SLC26A8: variants seen among roughly 807,000 people sequenced by gnomAD.
The protein encoded by SLC26A8 is testis anion transporter 1.
SLC26A8 carries 70 observed loss-of-function variants against 105.0 expected under a neutral mutation model. The observed-to-expected ratio is 0.67, with a 90% CI of 0.55 to 0.81. The LOEUF (loss-of-function observed/expected upper bound fraction) is 0.81, where lower values mean the gene tolerates loss of function less well. SLC26A8 is among the 40% of genes least tolerant of loss of function. The pLI is 0.00. For synonymous variants in SLC26A8, 415 were observed against 438.3 expected, an observed-to-expected ratio of 0.95 and a Z score of 0.66; for missense variants, 998 against 1,181.8, an observed-to-expected ratio of 0.84 and a Z score of 2.28.
intron 2 of SLC26A8, among the ~76,000 whole-genome samples, chr6:36,013,274 G>A (rs1056094201): frequency 2.7e-5 from 4 of 150,840 alleles, no homozygotes; most frequent in African/African-American, 9.8e-5. Context: ...TTGGCTCACT[G>A]CAGCCTCTGC....
chr6:35,956,150 C>T (rs975240081), intron 16 of SLC26A8, among the ~76,000 whole-genome samples: 14 of 152,054 alleles, frequency 9.2e-5, no homozygotes, highest in African/African-American at 3.4e-4. Flanking sequence ...GTAGCCCCAC[C>T]TACTGGGGAG....
chr6:36,003,506 T>C (rs1017483503), intron 3 of SLC26A8, among the ~76,000 whole-genome samples: 1 of 152,164 alleles, frequency 6.6e-6, no homozygotes, highest in Non-Finnish European at 1.5e-5. Context: ...ATGTAGAAAA[T>C]GCATTAAAAT....
Position 35,952,044 on chromosome 6 carries a change from G to A in SLC26A8, c.2233-545C>T, listed in dbSNP as rs79690898. Among the ~76,000 whole-genome samples the A allele has an allele frequency of 1.3e-3, 192 of 152,292 alleles. 4 individuals are homozygous for A. In the East Asian group the frequency reaches 0.019, roughly 15 times the overall value. On this transcript the variant is annotated intron_variant, in intron 17 of 19. Coordinates refer to ENST00000490799, the MANE Select transcript of SLC26A8 (RefSeq NM_052961.4). Reference sequence around the variant, plus strand: ...AATCAGACCGTGTCATGTGAGGGTGGGGAGCAGGAGGGAGAGCTGCCCATA... The same window carrying A: ...AATCAGACCGTGTCATGTGAGGGTGAGGAGCAGGAGGGAGAGCTGCCCATA...
rs1217859361 is a variant in SLC26A8, at chr6:35,955,333, C to G, written c.2051G>C (p.Trp684Ser). ...GQQYEEVEEV[W>S]LPNNSSRNSS... ...GTTTCTTGATGAGTTATTAGGAAGC[C>G]AAACTTCCTCCACCTCCTCATACTG... The change falls in exon 17 of 20, where the codon TGG becomes TCG. Residue 684 changes from tryptophan (W) to serine (S), a missense_variant. Trp to Ser is a radical substitution (Grantham distance 177). Coordinates refer to ENST00000490799, the MANE Select transcript of SLC26A8 (RefSeq NM_052961.4). 11 of 1,614,070 alleles carry G rather than the reference C, an allele frequency of 6.8e-6. No homozygotes were observed. Among genetic ancestry groups the G allele is most frequent in the Non-Finnish European group, 9.3e-6 (11 of 1,180,036 alleles).
chr6:35,955,551 G>A lies in SLC26A8; in HGVS notation c.1864-31C>T, dbSNP rs781646505. 15 of 1,604,028 alleles carry A rather than the reference G, an allele frequency of 9.4e-6. No individual in the cohort carries two copies. In the African/African-American group the frequency reaches 1.1e-4, roughly 11 times the overall value. ...ACGACAGAGTTAAGGGAGGGCTGTG[G>A]TAAGACACCAACAAGGGCCGGAAGG... On this transcript the variant is annotated intron_variant, in intron 16 of 19. Transcript: ENST00000490799.
At chr6:35,991,387 G>A (rs946172869) in intron 7 of SLC26A8, among the ~76,000 whole-genome samples, 4 of 127,756 alleles carry the variant, frequency 3.1e-5, no homozygotes, top group Admixed American at 9.1e-5. Context: ...CTGGGCAGCA[G>A]AGCAAGACTC....
chr6:35,954,609 T>G (rs933526273), intron 17 of SLC26A8, among the ~76,000 whole-genome samples: 13 of 152,176 alleles, frequency 8.5e-5, no homozygotes, highest in Non-Finnish European at 1.9e-4. Context: ...AATAATAATG[T>G]TTTATGCTTA....
intron 7 of SLC26A8, 73 bp from the exon 8 acceptor site, chr6:35,982,276 A>G: frequency 1.4e-6 from 2 of 1,464,312 alleles, no homozygotes; most frequent in South Asian, 2.3e-5. Flanking sequence ...CTAGAAGCAG[A>G]GTTGCCCATT....
rs905649821 is a variant in SLC26A8 at position 35,955,214 on chromosome 6, T to C, written c.2170A>G (p.Ile724Val). 10 of 1,614,068 alleles carry C rather than the reference T, an allele frequency of 6.2e-6. No homozygotes were observed. The highest frequency in any genetic ancestry group is 5.3e-5 in the African/African-American group (4 of 74,930). ...DASLLPSVHT[I>V]ILDFSMVHYV... is the part of the protein sequence containing the mutation. ...TGTACCATGGAGAAATCCAGGATGA[T>C]GGTGTGGACACTGGGCAGTAGAGAC... Residue 724 changes from isoleucine (I) to valine (V), a missense_variant, in exon 17 of 20, where the codon ATC (isoleucine) becomes GTC (valine). Physicochemically the swap from Ile to Val is conservative, Grantham distance 29. Transcript: ENST00000490799.
At chr6:36,004,487 A>G (rs899254334) in intron 3 of SLC26A8, among the ~76,000 whole-genome samples, 1 of 152,072 alleles carries the variant, frequency 6.6e-6, no homozygotes, top group Non-Finnish European at 1.5e-5. Context: ...CTTTTAAAAA[A>G]GTCATATCAA....
chr6:35,949,304 C>T (rs1003974367), intron 19 of SLC26A8, among the ~76,000 whole-genome samples: 85 of 151,998 alleles, frequency 5.6e-4, no homozygotes, highest in African/African-American at 1.4e-3. Flanking sequence ...TGGTGGCGGG[C>T]GCCTGTAGTC....
intron 3 of SLC26A8, among the ~76,000 whole-genome samples, chr6:36,002,037 A>G (rs1761538073): frequency 6.6e-6 from 1 of 152,216 alleles, no homozygotes; most frequent in Non-Finnish European, 1.5e-5. Context: ...TGGTCCTCAC[A>G]TTGGTTGATA....
rs1275931004 is a variant in SLC26A8, at chr6:35,944,236, C to T, written c.2577G>A (p.Glu859=). The change falls in exon 20 of 20, where the codon GAG becomes GAA. Residue 859 remains glutamate, a synonymous_variant. Transcript: ENST00000490799. The stretch of plus-strand genomic sequence containing the variant: ...GTTCTGATTCCAGCTCCAAATCCAA[C>T]TCCGACTCCTCTTCTACAGGCTGTT... ...KIQQPVEEES[E]LDLELESEQE... is the part of the protein sequence containing the mutation. The T allele has an allele frequency of 1.2e-6, 2 of 1,614,008 alleles. No individual in the cohort carries two copies. The highest frequency in any genetic ancestry group is 1.7e-6 in the Non-Finnish European group (2 of 1,180,016).
At chr6:35,944,450 C>T (rs953153290) in intron 19 of SLC26A8, 110 bp from the exon 20 acceptor site, 3 of 693,204 alleles carry the variant, frequency 4.3e-6, no homozygotes, top group African/African-American at 3.6e-5. Flanking sequence ...GCAGGAGAAT[C>T]GCTTTAGACC....
rs1462387843 is a variant in SLC26A8 at position 36,024,535 on chromosome 6, G to C, written c.-34C>G. ...CCTTGGCGGGGGCGGGAGTGCGGGC[G>C]CTGGGATCCCACACGGCTCTCGCCT... On this transcript the variant is annotated 5_prime_UTR_variant, in exon 1 of 20. Coordinates refer to ENST00000490799, the MANE Select transcript of SLC26A8 (RefSeq NM_052961.4). 1 of 423,774 alleles carries C rather than the reference G, an allele frequency of 2.4e-6. No homozygotes were observed. The allele number at this position is 423,774 out of a possible 1,614,324, so 26.3% of individuals were successfully genotyped here. A position where few individuals can be genotyped will look rare whatever the true frequency, so the allele number is the denominator to read the frequency against.
intron 14 of SLC26A8, chr6:35,960,161 A>G (rs939615428): frequency 1.1e-5 from 2 of 189,646 alleles, no homozygotes; most frequent in Non-Finnish European, 2.1e-5. Flanking sequence ...CTGGAATTAC[A>G]GGTGTGAGCC....
chr6:35,996,277 C>G (rs572666642), intron 5 of SLC26A8, among the ~76,000 whole-genome samples: 1 of 152,100 alleles, frequency 6.6e-6, no homozygotes, highest in East Asian at 1.9e-4. Flanking sequence ...CAGGGGAGAT[C>G]AGTGAAAATC....
At chr6:36,004,761 C>T (rs1399323285) in intron 3 of SLC26A8, among the ~76,000 whole-genome samples, 1 of 151,814 alleles carries the variant, frequency 6.6e-6, no homozygotes, top group Non-Finnish European at 1.5e-5. Context: ...GTGATCCTTC[C>T]ACCTCAGCCT....
intron 1 of SLC26A8, among the ~76,000 whole-genome samples, chr6:36,021,149 T>C (rs1053071409): frequency 6.6e-6 from 1 of 152,216 alleles, no homozygotes; most frequent in Non-Finnish European, 1.5e-5. Context: ...AGAAGTAATA[T>C]GCTGTATAAC....
Sources: gnomAD v4.1 joint callset for allele counts (sites outside exome capture counted in the v4.1 genomes callset) on GRCh38, gnomAD v4.1.1 for gene constraint, MANE v1.5 for transcripts, NCBI Gene and HGNC (gene_info 2026-07-23, HGNC 2026-07-21) for gene names.